TSPAN18: variants seen among roughly 807,000 people sequenced by gnomAD.
TSPAN18 encodes the protein tetraspanin 18.
Under a neutral mutation model 27.3 loss-of-function variants are expected in TSPAN18, and 14 were observed. The ratio of observed to expected loss-of-function variants is 0.51; its 90% CI spans 0.34 to 0.80. The LOEUF (loss-of-function observed/expected upper bound fraction) is 0.80. Among genes scored for constraint, TSPAN18 ranks in the 30% least tolerant of loss-of-function variants. The pLI, the probability that TSPAN18 is intolerant of heterozygous loss-of-function variation, is 0.01. For missense variants in TSPAN18, 268 were observed against 323.9 expected, an observed-to-expected ratio of 0.83 and a Z score of 1.32; for synonymous variants, 143 against 136.5, an observed-to-expected ratio of 1.05 and a Z score of -0.33.
At chr11:44,764,189 G>T (rs76817916) in intron 1 of TSPAN18, among the ~76,000 whole-genome samples, 1 of 152,280 alleles carries the variant, frequency 6.6e-6, no homozygotes, top group East Asian at 1.9e-4. Context: ...CCTCCCACCT[G>T]CCTGGATGGA....
chr11:44,727,738 G>T (rs1325718835), intron 1 of TSPAN18, among the ~76,000 whole-genome samples: 2 of 152,238 alleles, frequency 1.3e-5, no homozygotes, highest in Non-Finnish European at 2.9e-5. Flanking sequence ...GGAGGGCTGT[G>T]GGGCCCGGCA....
chr11:44,763,252 C>T (rs1296353690), intron 1 of TSPAN18, among the ~76,000 whole-genome samples: 2 of 152,208 alleles, frequency 1.3e-5, no homozygotes, highest in Non-Finnish European at 1.5e-5. Flanking sequence ...ACTTCGCTTT[C>T]TCCCCTGTGC....
At chr11:44,746,188 G>A (rs541180170) in intron 1 of TSPAN18, among the ~76,000 whole-genome samples, 4 of 152,292 alleles carry the variant, frequency 2.6e-5, no homozygotes, top group Non-Finnish European at 4.4e-5. Flanking sequence ...GGTGGGGCAC[G>A]TTGCTCTCTT....
At chr11:44,883,076 G>A (rs968300123) in intron 3 of TSPAN18, among the ~76,000 whole-genome samples, 3 of 152,206 alleles carry the variant, frequency 2.0e-5, no homozygotes, top group Non-Finnish European at 4.4e-5. Context: ...TGGGCACCAT[G>A]AGGCAGGAAC....
intron 8 of TSPAN18, among the ~76,000 whole-genome samples, chr11:44,924,784 C>A (rs1464966233): frequency 6.6e-6 from 1 of 152,146 alleles, no homozygotes; most frequent in Non-Finnish European, 1.5e-5. Context: ...AGGAGATATA[C>A]CTAATGTAAA....
chr11:44,826,044 T>G (rs1857034685), intron 2 of TSPAN18, among the ~76,000 whole-genome samples: 1 of 152,054 alleles, frequency 6.6e-6, no homozygotes, highest in African/African-American at 2.4e-5. Flanking sequence ...GGAGGAAAGA[T>G]AGTGGGAGAT....
In TSPAN18 at chr11:44,871,637, C is replaced by T. The variant is rs150571165; in HGVS notation, c.-11+11168C>T. 1.2e-3 allele frequency among the ~76,000 whole-genome samples: 180 copies of T among 152,314 alleles called. 1 individual carries two copies. The highest frequency in any genetic ancestry group is 4.1e-3 in the African/African-American group (171 of 41,584). On this transcript the variant is annotated intron_variant, in intron 3 of 9. Transcript: ENST00000520358. ...CCACGACCAGCAGAACATAGTCAGT[C>T]CCTCTTCATACCACCAGCCTTCAGG...
intron 2 of TSPAN18, among the ~76,000 whole-genome samples, chr11:44,766,565 A>T (rs10838353): frequency 2.0e-5 from 3 of 152,000 alleles, no homozygotes; most frequent in Non-Finnish European, 4.4e-5. Context: ...GTGGGCCTCA[A>T]GCCTCGGTGT....
chr11:44,877,517 A>G (rs779400906), intron 3 of TSPAN18, among the ~76,000 whole-genome samples: 20 of 152,152 alleles, frequency 1.3e-4, no homozygotes, highest in Admixed American at 3.3e-4. Context: ...CAACTAAATA[A>G]AGGAGTGAAA....
chr11:44,894,984 G>C (rs1326025657), intron 3 of TSPAN18, among the ~76,000 whole-genome samples: 1 of 152,226 alleles, frequency 6.6e-6, no homozygotes. Flanking sequence ...AGACGAGTTA[G>C]TTACCCTGCC....
chr11:44,826,497 T>C (rs1857046008), intron 2 of TSPAN18, among the ~76,000 whole-genome samples: 1 of 152,230 alleles, frequency 6.6e-6, no homozygotes, highest in Admixed American at 6.5e-5. Flanking sequence ...ATCGTCTGTA[T>C]GTCTATCGCC....
At chr11:44,739,122 GA>G (rs1854868915) in intron 1 of TSPAN18, among the ~76,000 whole-genome samples, 1 of 152,118 alleles carries the variant, frequency 6.6e-6, no homozygotes, top group South Asian at 2.1e-4. Flanking sequence ...GTCCAGCCTT[GA>G]ATCCCTCGTT....
chr11:44,771,017 T>C (rs187562215), intron 2 of TSPAN18, among the ~76,000 whole-genome samples: 1 of 152,154 alleles, frequency 6.6e-6, no homozygotes, highest in Admixed American at 6.5e-5. Flanking sequence ...GATGGAGATA[T>C]GCACCTGGGG....
chr11:44,766,885 G>A (rs1855579648), intron 2 of TSPAN18, among the ~76,000 whole-genome samples: 1 of 152,166 alleles, frequency 6.6e-6, no homozygotes. Context: ...ATCCCCCATA[G>A]CCTCAGTTTT....
chr11:44,823,861 G>C (rs559172811), intron 2 of TSPAN18, among the ~76,000 whole-genome samples: 1 of 152,262 alleles, frequency 6.6e-6, no homozygotes, highest in South Asian at 2.1e-4. Flanking sequence ...CATTTGAGTC[G>C]AGTAGCTGGT....
At chr11:44,752,391 T>C (rs1032366811) in intron 1 of TSPAN18, among the ~76,000 whole-genome samples, 2 of 150,664 alleles carry the variant, frequency 1.3e-5, no homozygotes, top group Admixed American at 6.6e-5. Flanking sequence ...CTTTCTTTCT[T>C]TTTTTTTTGA....
At chr11:44,790,164 T>TGC (rs138084045) in intron 2 of TSPAN18, among the ~76,000 whole-genome samples, 17 of 150,640 alleles carry the variant, frequency 1.1e-4, no homozygotes, top group African/African-American at 1.9e-4. Context: ...TGTGTGTGTG[T>TGC]GCATGTGTGT....
chr11:44,779,361 T>C (rs1397263326), intron 2 of TSPAN18, among the ~76,000 whole-genome samples: 1 of 152,174 alleles, frequency 6.6e-6, no homozygotes, highest in African/African-American at 2.4e-5. Context: ...CAGATGCCAA[T>C]AAAAACACTG....
chr11:44,787,848 A>G (rs1379344478), intron 2 of TSPAN18, among the ~76,000 whole-genome samples: 2 of 152,108 alleles, frequency 1.3e-5, no homozygotes, highest in East Asian at 3.9e-4. Flanking sequence ...GAAGACCCCA[A>G]TGTTACTGCT....
Sources: allele counts gnomAD v4.1 joint callset (sites outside exome capture counted in the v4.1 genomes callset), GRCh38; gene constraint gnomAD v4.1.1; transcripts MANE v1.5; gene names NCBI Gene and HGNC (gene_info 2026-07-23, HGNC 2026-07-21).